The following CELSR1 variants were observed in gnomAD, a reference collection of about 807,000 sequenced individuals.
CELSR1 encodes cadherin EGF LAG seven-pass G-type receptor 1, also known as adhesion G protein-coupled receptor C1.
Under a neutral mutation model 249.1 loss-of-function variants are expected in CELSR1, and 110 were observed. That is an observed-to-expected ratio of 0.44 (90% CI 0.38 to 0.52). The LOEUF (loss-of-function observed/expected upper bound fraction) is 0.52, where lower values mean the gene tolerates loss of function less well. CELSR1 is among the 20% of genes least tolerant of loss of function. The pLI, the probability that CELSR1 is intolerant of heterozygous loss-of-function variation, is 0.00. For synonymous variants in CELSR1, 2,113 were observed against 1,900.0 expected (o/e 1.11, Z -2.92); for missense variants, 4,109 against 4,296.4 (o/e 0.96, Z 1.22).
intron 1 of CELSR1, among the ~76,000 whole-genome samples, chr22:46,477,959 C>T (rs1271091966): frequency 6.6e-6 from 1 of 152,168 alleles, no homozygotes; most frequent in Admixed American, 6.5e-5. Context: ...CACCCCTGGC[C>T]TCCACCCACT....
Position 46,399,572 on chromosome 22 carries a change from C to G in CELSR1, c.5412+145G>C, listed in dbSNP as rs16995192. 6.8e-3 allele frequency: 5,112 copies of G among 746,966 alleles called. 199 individuals are homozygous for G. In the African/African-American group the frequency reaches 0.081, roughly 12 times the overall value. 46.3% of individuals were successfully genotyped at this position (746,966 alleles called of 1,614,324 possible). ...CCAGTGACCTCAGTACAGGGCAGAA[C>G]AGAAGCCCACCTGCGGGGACCCAGA... is the stretch of plus-strand genomic sequence containing the variant. On this transcript the variant is annotated intron_variant, in intron 10 of 34. Coordinates refer to ENST00000674500, the MANE Select transcript of CELSR1 (RefSeq NM_001378328.1). The surrounding 1 kb of genome is among the most constrained non-coding windows in gnomAD (Gnocchi z 5.0).
rs1054323591 is a variant in CELSR1, at chr22:46,410,695, G to A, written c.4770-134C>T. On this transcript the variant is annotated intron_variant, in intron 6 of 34. Coordinates refer to ENST00000674500, the MANE Select transcript of CELSR1 (RefSeq NM_001378328.1). This position sits in a 1 kb window ranked among gnomAD's most constrained non-coding sequence, Gnocchi z 6.8. ...GAAACCAAGCAGACAGGCGGGGAGA[G>A]GCCAAAGTCAGAGGGGGCTCCTGTG... is the stretch of plus-strand genomic sequence containing the variant. 5.8e-5 allele frequency: 50 copies of A among 858,700 alleles called. No individual in the cohort carries two copies. Among genetic ancestry groups the A allele is most frequent in the Non-Finnish European group, 8.7e-5 (49 of 564,328 alleles). The allele number at this position is 858,700 out of a possible 1,614,324, so 53.2% of individuals were successfully genotyped here.
chr22:46,536,678 G>C lies in CELSR1; in HGVS notation c.493C>G (p.Arg165Gly), dbSNP rs1193772541. 13 of 1,168,712 alleles carry C rather than the reference G, an allele frequency of 1.1e-5. No homozygotes were observed. The highest frequency in any genetic ancestry group is 1.4e-5 in the Non-Finnish European group (13 of 949,060). 72.4% of individuals were successfully genotyped at this position (1,168,712 alleles called of 1,614,324 possible). The stretch of plus-strand genomic sequence containing the variant: ...AGGCAGATGGGACGGCCGGGACAGC[G>C]GGGCCTGGGGCGCGGCGGGCAGCGG... ...ACRCPPRPRP[R>G]CPGRPICLPP... Residue 165 changes from arginine (R) to glycine (G), a missense_variant, in exon 1 of 35, where the codon CGC becomes GGC. By Grantham distance (125) the Arg-to-Gly change is moderately radical. Transcript: ENST00000674500.
At chr22:46,370,653 C>T (rs946509497) in intron 25 of CELSR1, among the ~76,000 whole-genome samples, 6 of 152,300 alleles carry the variant, frequency 3.9e-5, no homozygotes, top group African/African-American at 1.4e-4. Context: ...CTATGCTCCT[C>T]CCCACTCTCC....
At chr22:46,386,650 C>A in intron 18 of CELSR1, 65 bp from the exon 19 acceptor site, 1 of 1,387,210 alleles carries the variant, frequency 7.2e-7, no homozygotes, top group South Asian at 1.4e-5. Flanking sequence ...CGGAGGGACA[C>A]CTGCCCTGAA....
chr22:46,416,377 A>AC (rs947946477), intron 5 of CELSR1, among the ~76,000 whole-genome samples: 53 of 151,168 alleles, frequency 3.5e-4, no homozygotes, highest in East Asian at 1.4e-3. Flanking sequence ...GGCCCAGAGG[A>AC]CCCCCCCCAA....
chr22:46,415,028 T>G (rs977868264), intron 5 of CELSR1, among the ~76,000 whole-genome samples: 2 of 152,180 alleles, frequency 1.3e-5, no homozygotes, highest in African/African-American at 4.8e-5. Context: ...CGAAAGGCCA[T>G]GCACCGCGTG....
chr22:46,392,441 G>T lies in CELSR1; in HGVS notation c.5965-625C>A, dbSNP rs570270317. ...TGTCAGGTGGGGACTCCGACTGTGT[G>T]TAAAATGACAGTGAACGACAGGCCC... On this transcript the variant is annotated intron_variant, in intron 14 of 34. Coordinates refer to ENST00000674500, the MANE Select transcript of CELSR1 (RefSeq NM_001378328.1). 7.7e-4 allele frequency among the ~76,000 whole-genome samples: 117 copies of T among 152,396 alleles called. 1 individual carries two copies. The South Asian group carries it at 0.023, about 29-fold the overall frequency.
rs1480972343 is a variant in CELSR1 at position 46,517,451 on chromosome 22, C to T, written c.3544+16176G>A. 4.6e-5 allele frequency among the ~76,000 whole-genome samples: 7 copies of T among 152,204 alleles called. No homozygotes were observed. The highest frequency in any genetic ancestry group is 2.1e-4 in the South Asian group (1 of 4,830). ...TCCATCTGGCACTTGTCATCTTCCA[C>T]GGGGCACAAGGCGGTATCTGGAGGG... On this transcript the variant is annotated intron_variant, in intron 1 of 34. Coordinates refer to ENST00000674500, the MANE Select transcript of CELSR1 (RefSeq NM_001378328.1). This position sits in a 1 kb window ranked among gnomAD's most constrained non-coding sequence, Gnocchi z 5.4.
chr22:46,515,243 A>G (rs2080614716), intron 1 of CELSR1, among the ~76,000 whole-genome samples: 1 of 152,124 alleles, frequency 6.6e-6, no homozygotes, highest in African/African-American at 2.4e-5. Context: ...CCCAGCCCAC[A>G]GCCAGGCAAG....
In CELSR1 at chr22:46,506,205, A is replaced by G. The variant is rs2080513341; in HGVS notation, c.3544+27422T>C. On this transcript the variant is annotated intron_variant, in intron 1 of 34. Coordinates refer to ENST00000674500, the MANE Select transcript of CELSR1 (RefSeq NM_001378328.1). This position sits in a 1 kb window ranked among gnomAD's most constrained non-coding sequence, Gnocchi z 4.1. ...AAAAAAAAAAAAAAGAAAAAGAAAG[A>G]AAGACAGAAAAGAAACTACTGACTA... Among the ~76,000 whole-genome samples the G allele has an allele frequency of 6.6e-6, 1 of 151,930 alleles. No individual in the cohort carries two copies. The highest frequency in any genetic ancestry group is 1.9e-4 in the East Asian group (1 of 5,166).
chr22:46,536,933 A>G lies in CELSR1; in HGVS notation c.238T>C (p.Ser80Pro). 8.6e-7 allele frequency: 1 copy of G among 1,165,722 alleles called. No individual in the cohort carries two copies. The highest frequency in any genetic ancestry group is 1.1e-6 in the Non-Finnish European group (1 of 947,046). The allele number at this position is 1,165,722 out of a possible 1,614,324, so 72.2% of individuals were successfully genotyped here. The change falls in exon 1 of 35, where the codon TCG (serine) becomes CCG (proline). Residue 80 changes from serine to proline, a missense_variant. By Grantham distance (74) the Ser-to-Pro change is moderately conservative. This residue lies in a region of CELSR1 where 673 missense variants were observed against 636.8 expected (regional missense o/e 1.06). Coordinates refer to ENST00000674500, the MANE Select transcript of CELSR1 (RefSeq NM_001378328.1). ...AGCGGCAGCGGGCGCCCCGCGCCCG[A>G]GACGCGCCGACGTCCTGCCAGCCGC... The part of the protein sequence containing the change: ...DGRLAGRRRV[S>P]GAGRPLPLQV...
intron 1 of CELSR1, among the ~76,000 whole-genome samples, chr22:46,528,637 A>C (rs1443879251): frequency 6.6e-6 from 1 of 152,232 alleles, no homozygotes; most frequent in Non-Finnish European, 1.5e-5. Flanking sequence ...TCCACTATAA[A>C]AAAGAATGAG....
Position 46,535,059 on chromosome 22 carries a change from G to C in CELSR1, c.2112C>G (p.Ser704Arg), listed in dbSNP as rs145293715. 3 of 1,612,372 alleles carry C rather than the reference G, an allele frequency of 1.9e-6. No individual in the cohort carries two copies. The African/African-American group carries it at 4.0e-5, about 22-fold the overall frequency. Residue 704 changes from serine (S) to arginine (R), a missense_variant, in exon 1 of 35, where the codon AGC becomes AGG. By Grantham distance (110) the Ser-to-Arg change is moderately radical. This residue lies in a region of CELSR1 where 886 missense variants were observed against 896.5 expected (regional missense o/e 0.99). Coordinates refer to ENST00000674500, the MANE Select transcript of CELSR1 (RefSeq NM_001378328.1). ...CGCGGGCCTGCAGGGTCAGCACGCT[G>C]CTCCCCACGGCCGCATCCTCATTCA... The part of the protein sequence containing the change: ...LRLNEDAAVG[S>R]SVLTLQARDR...
chr22:46,380,826 T>C lies in CELSR1; in HGVS notation c.7218A>G (p.Arg2406=). 6.2e-7 allele frequency: 1 copy of C among 1,611,728 alleles called. No individual in the cohort carries two copies. Among genetic ancestry groups the C allele is most frequent in the Non-Finnish European group, 8.5e-7 (1 of 1,179,810 alleles). ...VEFALLEVEE[R]TKPVCVFWNH... ...TCCAGAACACGCAGACAGGCTTGGT[T>C]CGCTCCTCCACCTCCAGCAGGGCGA... The change falls in exon 22 of 35, where the codon CGA becomes CGG. Residue 2406 remains arginine, a synonymous_variant. Coordinates refer to ENST00000674500, the MANE Select transcript of CELSR1 (RefSeq NM_001378328.1). The surrounding 1 kb of genome is among the most constrained non-coding windows in gnomAD (Gnocchi z 5.1).
At chr22:46,475,352 G>C (rs970475123) in intron 1 of CELSR1, among the ~76,000 whole-genome samples, 1 of 152,192 alleles carries the variant, frequency 6.6e-6, no homozygotes, top group South Asian at 2.1e-4. Context: ...ATCACACTGA[G>C]TGAAAGAGGC....
At chr22:46,462,822 A>C (rs2080046872) in intron 2 of CELSR1, 1 of 393,336 alleles carries the variant, frequency 2.5e-6, no homozygotes, top group African/African-American at 2.2e-5. Context: ...TTTAAAAACC[A>C]CCGTTGGCTA....
chr22:46,369,928 A>G (rs2078832726), intron 25 of CELSR1, 124 bp from the exon 26 acceptor site: 2 of 816,612 alleles, frequency 2.4e-6, no homozygotes, highest in Admixed American at 2.0e-5. Context: ...AGGAAGGAGC[A>G]AGGAGTCCAG....
intron 20 of CELSR1, among the ~76,000 whole-genome samples, chr22:46,383,231 CAT>C (rs750608501): frequency 3.8e-4 from 58 of 150,956 alleles, no homozygotes; most frequent in Non-Finnish European, 7.3e-4. Flanking sequence ...TTTTAAGACA[CAT>C]GAGATAACAT....
Sources: allele counts gnomAD v4.1 joint callset (sites outside exome capture counted in the v4.1 genomes callset), GRCh38; gene constraint gnomAD v4.1.1; regional missense constraint gnomAD v4.1.1; non-coding constraint Gnocchi (gnomAD v3.1); transcripts MANE v1.5; gene names NCBI Gene and HGNC (gene_info 2026-07-23, HGNC 2026-07-21).